The following GOLGA8M variants were observed in gnomAD, a reference collection of about 807,000 sequenced individuals.
GOLGA8M encodes golgin subfamily A member 8M.
Under a neutral mutation model 87.7 loss-of-function variants are expected in GOLGA8M, and 34 were observed. That is an observed-to-expected ratio of 0.39 (90% CI 0.29 to 0.52). The LOEUF is 0.52. GOLGA8M is among the 20% of genes least tolerant of loss of function. The pLI, the probability that GOLGA8M is intolerant of heterozygous loss-of-function variation, is 0.80. For missense variants in GOLGA8M, 396 were observed against 682.2 expected (o/e 0.58, Z 4.67); for synonymous variants, 138 against 250.2 (o/e 0.55, Z 4.23).
chr15:28,704,052 G>A (rs2079924131), intron 13 of GOLGA8M, 135 bp from the exon 14 acceptor site: 3 of 1,541,124 alleles, frequency 1.9e-6, no homozygotes, highest in Non-Finnish European at 1.7e-6. Flanking sequence ...TTTGCCTCAA[G>A]CTTCCTGCTA....
chr15:28,707,022 C>T (rs1225881550), intron 8 of GOLGA8M, among the ~76,000 whole-genome samples: 1 of 139,162 alleles, frequency 7.2e-6, no homozygotes, highest in Non-Finnish European at 1.5e-5. Flanking sequence ...ATCCTCGCAA[C>T]CACCATAGGA....
In GOLGA8M at chr15:28,701,959, T is replaced by G. The variant is rs1303003279; in HGVS notation, c.1894A>C (p.Arg632=). Residue 632 remains arginine, a synonymous_variant, in exon 19 of 19, where the codon AGA becomes CGA. Coordinates refer to ENST00000563027, the MANE Select transcript of GOLGA8M (RefSeq NM_001282468.3). ...CTCTTTGAGGATGGTGATGTTTATC[T>G]CCTTCTTCTTGGCAGCCAAGCCCAG... ...FCWAWLPRRR[R] is the part of the protein sequence containing the mutation. 4.4e-6 allele frequency: 7 copies of G among 1,599,448 alleles called. No individual in the cohort carries two copies. Among genetic ancestry groups the G allele is most frequent in the South Asian group, 1.1e-5 (1 of 90,848 alleles).
At chr15:28,711,790 G>A (rs1368106609) in intron 1 of GOLGA8M, 1 of 983,042 alleles carries the variant, frequency 1.0e-6, no homozygotes, top group Non-Finnish European at 1.2e-6. Flanking sequence ...TCCACGATGG[G>A]GGAGGGAAGC....
rs915967782 is a variant in GOLGA8M at position 28,712,383 on chromosome 15, A to T, written c.-60T>A. 21 of 1,432,548 alleles carry T rather than the reference A, an allele frequency of 1.5e-5. No homozygotes were observed. The highest frequency in any genetic ancestry group is 1.8e-5 in the Non-Finnish European group (19 of 1,045,700). The allele number at this position is 1,432,548 out of a possible 1,614,324, so 88.7% of individuals were successfully genotyped here. On this transcript the variant is annotated 5_prime_UTR_variant, in exon 1 of 19. Coordinates refer to ENST00000563027, the MANE Select transcript of GOLGA8M (RefSeq NM_001282468.3). ...AGCAGCAAAATCGCAATGAGAACCG[A>T]TCAAGGCCTCCAGTCACCTTCCAGG...
Position 28,698,634 on chromosome 15 carries a change from A to T in GOLGA8M, c.*3320T>A, listed in dbSNP as rs1221135328. ...ATTTTGGTTTTTAATAAACACTTGC[A>T]TAGTTATATTACAACTTTGTAAAAA... On this transcript the variant is annotated 3_prime_UTR_variant, in exon 19 of 19. Transcript: ENST00000563027. Among the ~76,000 whole-genome samples the T allele has an allele frequency of 6.8e-6, 1 of 147,292 alleles. No homozygotes were observed. Among genetic ancestry groups the T allele is most frequent in the Non-Finnish European group, 1.5e-5 (1 of 67,738 alleles).
chr15:28,703,986 C>G (rs185223372), intron 13 of GOLGA8M, 69 bp from the exon 14 acceptor site: 140,076 of 1,488,092 alleles, frequency 0.094, 5,804 homozygotes, highest in Non-Finnish European at 0.11. Context: ...CCCCATCCTC[C>G]GCAGCTCCCT....
Position 28,702,698 on chromosome 15 carries a change from A to C in GOLGA8M, c.1416T>G (p.Leu472=), listed in dbSNP as rs80303640. 142,502 of 1,491,432 alleles carry C rather than the reference A, an allele frequency of 0.096. 25,745 individuals carry two copies. The highest frequency in any genetic ancestry group is 0.64 in the East Asian group (27,221 of 42,308). 92.4% of individuals were successfully genotyped at this position (1,491,432 alleles called of 1,614,324 possible). The part of the protein sequence containing the change: ...HLEEKADLSE[L]VKKQELRFIQ... ...TGAAGCGAAGTTCTTGTTTCTTCAC[A>C]AGCTCACTCAGGTCTGCCTTCTCCT... The change falls in exon 16 of 19, where the codon CTT becomes CTG. Residue 472 remains leucine (L), a synonymous_variant. Coordinates refer to ENST00000563027, the MANE Select transcript of GOLGA8M (RefSeq NM_001282468.3).
upstream of GOLGA8M, among the ~76,000 whole-genome samples, chr15:28,712,878 C>T (rs1383533800): frequency 6.6e-6 from 1 of 152,010 alleles, no homozygotes; most frequent in Non-Finnish European, 1.5e-5. Flanking sequence ...ATGGAAAATG[C>T]ATAGCATGCT....
intron 13 of GOLGA8M, among the ~76,000 whole-genome samples, chr15:28,704,356 G>A (rs2140917562): frequency 6.8e-6 from 1 of 147,292 alleles, no homozygotes; most frequent in Non-Finnish European, 1.5e-5. Context: ...CCAGGCCCCT[G>A]TCCCCTTACT....
At chr15:28,705,053 G>A (rs1343769781) in intron 13 of GOLGA8M, 106 bp downstream of exon 13, 1 of 1,543,094 alleles carries the variant, frequency 6.5e-7, no homozygotes, top group Non-Finnish European at 8.7e-7. Flanking sequence ...GTGGTCACCA[G>A]CCCCCAGGCT....
rs930298483 is a variant in GOLGA8M at position 28,700,744 on chromosome 15, A to G, written c.*1210T>C. ...TTCAAGGAAAAAGAAGTAAATTCCT[A>G]TGTCAGAGTAACCAAGGTGGTTGAA... On this transcript the variant is annotated 3_prime_UTR_variant, in exon 19 of 19. Coordinates refer to ENST00000563027, the MANE Select transcript of GOLGA8M (RefSeq NM_001282468.3). 2.0e-5 allele frequency among the ~76,000 whole-genome samples: 3 copies of G among 152,186 alleles called. No homozygotes were observed. The highest frequency in any genetic ancestry group is 7.2e-5 in the African/African-American group (3 of 41,464).
intron 10 of GOLGA8M, 27 bp downstream of exon 10, chr15:28,706,372 T>TG (rs893363055): frequency 1.3e-5 from 8 of 611,864 alleles, no homozygotes; most frequent in East Asian, 5.5e-5. Context: ...CTATCTAATG[T>TG]GGGGGGGCTG....
In GOLGA8M at chr15:28,701,947, G is replaced by A. The variant is rs1411014927; in HGVS notation, c.*7C>T. On this transcript the variant is annotated 3_prime_UTR_variant, in exon 19 of 19. Coordinates refer to ENST00000563027, the MANE Select transcript of GOLGA8M (RefSeq NM_001282468.3). ...TTTCTTGAGCAGCTCTTTGAGGATG[G>A]TGATGTTTATCTCCTTCTTCTTGGC... 5.0e-6 allele frequency: 8 copies of A among 1,599,046 alleles called. No individual in the cohort carries two copies. The highest frequency in any genetic ancestry group is 6.8e-6 in the Non-Finnish European group (8 of 1,179,732).
chr15:28,708,204 AG>A, intron 5 of GOLGA8M, 31 bp from the exon 6 acceptor site: 1 of 1,517,330 alleles, frequency 6.6e-7, no homozygotes. Flanking sequence ...AGCTCTTACC[AG>A]GGGGAGGCAG....
upstream of GOLGA8M, among the ~76,000 whole-genome samples, chr15:28,712,552 AG>A (rs369663069): frequency 1.6e-3 from 240 of 150,092 alleles, 4 homozygotes; most frequent in East Asian, 0.05. Context: ...GCGTGTCCAG[AG>A]GGCCCTGTGG....
chr15:28,702,788 C>A lies in GOLGA8M; in HGVS notation c.1369-43G>T, dbSNP rs1425529857. On this transcript the variant is annotated intron_variant, in intron 15 of 18. Coordinates refer to ENST00000563027, the MANE Select transcript of GOLGA8M (RefSeq NM_001282468.3). ...CAGTCACATCTCGGCAGCGACCTGC[C>A]CTCAGGTGGCATTTTCAAGTCATGG... The A allele has an allele frequency of 1.9e-6, 3 of 1,587,914 alleles. No individual in the cohort carries two copies. In the African/African-American group the frequency reaches 4.1e-5, roughly 22 times the overall value.
intron 15 of GOLGA8M, 44 bp from the exon 16 acceptor site, chr15:28,702,789 C>G (rs778631416): frequency 1.7e-5 from 27 of 1,587,924 alleles, no homozygotes; most frequent in Non-Finnish European, 2.3e-5. Context: ...GCGACCTGCC[C>G]TCAGGTGGCA....
At position 28,701,833 on chromosome 15, in the gene GOLGA8M, A is replaced by C. The variant is rs540934983; in HGVS notation, c.*121T>G. 42 of 1,252,540 alleles carry C rather than the reference A, an allele frequency of 3.4e-5. No individual in the cohort carries two copies. The East Asian group carries it at 9.7e-4, about 29-fold the overall frequency. 77.6% of individuals were successfully genotyped at this position (1,252,540 alleles called of 1,614,324 possible). ...AAACTTAAAACTATAAATTAGAAAC[A>C]CAAATAATCATGAGTGACTCTAACA... On this transcript the variant is annotated 3_prime_UTR_variant, in exon 19 of 19. Transcript: ENST00000563027.
Position 28,701,366 on chromosome 15 carries a change from T to C in GOLGA8M, c.*588A>G, listed in dbSNP as rs981474079. Among the ~76,000 whole-genome samples, 36 of 151,768 alleles carry C rather than the reference T, an allele frequency of 2.4e-4. No individual in the cohort carries two copies. Among genetic ancestry groups the C allele is most frequent in the South Asian group, 2.1e-4 (1 of 4,806 alleles). ...CAAAAGGTTTCACTCCCATCACCAA[T>C]ACACAGAAAATGGAGGAAAGGCTGT... On this transcript the variant is annotated 3_prime_UTR_variant, in exon 19 of 19. Transcript: ENST00000563027.
Sources: gnomAD v4.1 joint callset for allele counts (sites outside exome capture counted in the v4.1 genomes callset) on GRCh38, gnomAD v4.1.1 for gene constraint, MANE v1.5 for transcripts, NCBI Gene and HGNC (gene_info 2026-07-23, HGNC 2026-07-21) for gene names.